Variants in PRCC observed in about 807,000 individuals in gnomAD.
PRCC encodes the protein proline rich mitotic checkpoint control factor.
In PRCC, 10 loss-of-function variants were observed where a neutral mutation model predicts 44.0. The ratio of observed to expected loss-of-function variants is 0.23; its 90% CI spans 0.14 to 0.39. The LOEUF (loss-of-function observed/expected upper bound fraction) is 0.39, where lower values mean the gene tolerates loss of function less well. PRCC is among the 10% of genes least tolerant of loss of function. The pLI is 1.00. For missense variants in PRCC, 573 were observed against 624.7 expected, an observed-to-expected ratio of 0.92 and a Z score of 0.88; for synonymous variants, 278 against 259.5, an observed-to-expected ratio of 1.07 and a Z score of -0.69.
Position 156,768,076 on chromosome 1 carries a change from C to T in PRCC, c.305C>T (p.Ala102Val). 4 of 1,590,566 alleles carry T rather than the reference C, an allele frequency of 2.5e-6. No homozygotes were observed. The highest frequency in any genetic ancestry group is 3.4e-6 in the Non-Finnish European group (4 of 1,168,162). Residue 102 changes from alanine (A) to valine (V), a missense_variant, in exon 1 of 7, where the codon GCG becomes GTG. Around this residue, in one of 4 missense-constraint regions of PRCC, gnomAD observed 245 missense variants for 188.5 expected, o/e 1.30. Coordinates refer to ENST00000271526, the MANE Select transcript of PRCC (RefSeq NM_005973.5). ...CCAGGCGTGAGCCCGGCTGAAGCGG[C>T]GGGAGTTGGGGAGGGACTGGGATTG... ...PPPGVSPAEA[A>V]GVGEGLGLGL...
At chr1:156,794,065 C>G (rs1652580400) in intron 4 of PRCC, among the ~76,000 whole-genome samples, 1 of 148,118 alleles carries the variant, frequency 6.8e-6, no homozygotes, top group Admixed American at 6.9e-5. Context: ...TCAAGCGATT[C>G]TCCTGACTCA....
chr1:156,791,045 C>T (rs1219384103), intron 3 of PRCC: 1 of 1,350,178 alleles, frequency 7.4e-7, no homozygotes, highest in Non-Finnish European at 1.0e-6. Flanking sequence ...TTGCCCTTGC[C>T]TTCACCCTCC....
In PRCC at chr1:156,786,415, C is replaced by T. The variant is rs148548079; in HGVS notation, c.517-193C>T. ...ATACCTCACCTTGGGAGAAGCAGCCCGCAGAAAGGCCTGAAGTAGCAGGAG... is the reference window on the plus strand; with the variant it reads ...ATACCTCACCTTGGGAGAAGCAGCCTGCAGAAAGGCCTGAAGTAGCAGGAG... On this transcript the variant is annotated intron_variant, in intron 2 of 6. Coordinates refer to ENST00000271526, the MANE Select transcript of PRCC (RefSeq NM_005973.5). Among the ~76,000 whole-genome samples, 552 of 152,182 alleles carry T rather than the reference C, an allele frequency of 3.6e-3. 29 individuals carry two copies. In the South Asian group the frequency reaches 0.095, roughly 26 times the overall value.
At chr1:156,800,307 G>T (rs1436579175) in intron 6 of PRCC, 67 bp from the exon 7 acceptor site, 3 of 1,453,800 alleles carry the variant, frequency 2.1e-6, no homozygotes, top group East Asian at 2.3e-5. Flanking sequence ...GAAGCTCACA[G>T]AGGCAAGAGG....
At chr1:156,775,652 C>T (rs1009702686) in intron 1 of PRCC, among the ~76,000 whole-genome samples, 47 of 151,880 alleles carry the variant, frequency 3.1e-4, no homozygotes, top group Non-Finnish European at 5.4e-4. Context: ...CTGGGACTAC[C>T]GGCACCCGCC....
chr1:156,783,794 T>TA (rs1367315860), intron 2 of PRCC, among the ~76,000 whole-genome samples: 3 of 151,568 alleles, frequency 2.0e-5, no homozygotes, highest in Admixed American at 2.0e-4. Flanking sequence ...AAATAAAAAA[T>TA]AAAAAAATAA....
At position 156,795,285 on chromosome 1, in the gene PRCC, G is replaced by GTTTTTTTTTT. The variant is rs35911411; in HGVS notation, c.1323+492_1323+501dup. Among the ~76,000 whole-genome samples, 50 of 36,066 alleles carry GTTTTTTTTTT rather than the reference G, an allele frequency of 1.4e-3. 12 individuals are homozygous for GTTTTTTTTTT. The highest frequency in any genetic ancestry group is 1.5e-3 in the Non-Finnish European group (34 of 23,074). The allele number at this position is 36,066 out of a possible 152,430, so 23.7% of individuals were successfully genotyped here. On this transcript the variant is annotated intron_variant, in intron 5 of 6. Transcript: ENST00000271526. The stretch of plus-strand genomic sequence containing the variant: ...CTTCCAATTGTTTTCATTTTCTGGT[G>GTTTTTTTTTT]TTTTTTTTTTTTTTTTTTTTTTTTC...
intron 2 of PRCC, among the ~76,000 whole-genome samples, chr1:156,785,736 C>T (rs1652218533): frequency 6.6e-6 from 1 of 151,850 alleles, no homozygotes; most frequent in Non-Finnish European, 1.5e-5. Flanking sequence ...TGCTGGGCCT[C>T]CACTCTTTCC....
At chr1:156,793,465 G>A (rs922169921) in intron 4 of PRCC, among the ~76,000 whole-genome samples, 1 of 150,806 alleles carries the variant, frequency 6.6e-6, no homozygotes, top group African/African-American at 2.4e-5. Context: ...AGAGGAAGGC[G>A]TAGCAGTGTC....
At chr1:156,799,129 A>G (rs1165131439) in intron 6 of PRCC, among the ~76,000 whole-genome samples, 3 of 152,172 alleles carry the variant, frequency 2.0e-5, no homozygotes, top group Non-Finnish European at 4.4e-5. Flanking sequence ...TACAAATGGC[A>G]CCATGTATGA....
intron 3 of PRCC, among the ~76,000 whole-genome samples, chr1:156,789,573 G>A (rs902648686): frequency 6.6e-6 from 1 of 152,042 alleles, no homozygotes; most frequent in African/African-American, 2.4e-5. Flanking sequence ...GGGCCAAGGA[G>A]GAAAGAAGGG....
intron 4 of PRCC, among the ~76,000 whole-genome samples, chr1:156,792,798 ATTAG>A (rs372285229): frequency 5.9e-5 from 9 of 152,112 alleles, no homozygotes; most frequent in African/African-American, 2.2e-4. Context: ...GTAATGTTTT[ATTAG>A]TTGTGTGGTA....
Position 156,787,006 on chromosome 1 carries a change from C to T in PRCC, c.915C>T (p.Gly305=). The change falls in exon 3 of 7, where the codon GGC becomes GGT. Residue 305 remains glycine, a synonymous_variant. Coordinates refer to ENST00000271526, the MANE Select transcript of PRCC (RefSeq NM_005973.5). ...IPTVPEELPP[G]TEPEPAFQDD... Reference sequence around the variant, plus strand: ...CTGTCCCTGAAGAGCTGCCTCCAGGCACGGAACCAGAGCCGGCTTTCCAGG... The same window carrying T: ...CTGTCCCTGAAGAGCTGCCTCCAGGTACGGAACCAGAGCCGGCTTTCCAGG... 1.2e-6 allele frequency: 2 copies of T among 1,614,242 alleles called. No individual in the cohort carries two copies. Among genetic ancestry groups the T allele is most frequent in the Middle Eastern group, 3.3e-4 (2 of 6,060 alleles).
chr1:156,787,200 C>T (rs368319215), intron 3 of PRCC, 26 bp downstream of exon 3: 81 of 1,565,402 alleles, frequency 5.2e-5, no homozygotes, highest in South Asian at 8.2e-5. Context: ...AGAGGGCAGG[C>T]GAGGGAATGT....
rs76271348 is a variant in PRCC at position 156,774,157 on chromosome 1, C to CTTTTTTTTT, written c.468+5946_468+5954dup. On this transcript the variant is annotated intron_variant, in intron 1 of 6. Coordinates refer to ENST00000271526, the MANE Select transcript of PRCC (RefSeq NM_005973.5). ...GAGTTTCTTTCTTTTTTTGAGTCAC[C>CTTTTTTTTT]TTTTTTTTTTTTTTTTTTTTTTTTT... is the stretch of plus-strand genomic sequence containing the variant. Among the ~76,000 whole-genome samples the CTTTTTTTTT allele has an allele frequency of 8.9e-4, 48 of 53,998 alleles. 16 individuals carry two copies. The highest frequency in any genetic ancestry group is 1.2e-3 in the South Asian group (2 of 1,664). 35.4% of individuals were successfully genotyped at this position (53,998 alleles called of 152,430 possible).
rs1449966096 is a variant in PRCC at position 156,786,734 on chromosome 1, A to G, written c.643A>G (p.Thr215Ala). 6.2e-7 allele frequency: 1 copy of G among 1,614,164 alleles called. No individual in the cohort carries two copies. Among genetic ancestry groups the G allele is most frequent in the Non-Finnish European group, 8.5e-7 (1 of 1,180,032 alleles). Residue 215 changes from threonine to alanine, a missense_variant, in exon 3 of 7, where the codon ACT (threonine) becomes GCT (alanine). Transcript: ENST00000271526. Reference sequence around the variant, plus strand: ...CAAACCCTCGGATGGCTCCCCTGATACTAAGCCCTCCAGACTGGCTTCTAA... The same window carrying G: ...CAAACCCTCGGATGGCTCCCCTGATGCTAAGCCCTCCAGACTGGCTTCTAA... ...SRKPSDGSPDTKPSRLASKTK... is the reference protein window; with the variant it reads ...SRKPSDGSPDAKPSRLASKTK...
intron 1 of PRCC, among the ~76,000 whole-genome samples, chr1:156,775,377 G>T (rs573768170): frequency 1.8e-4 from 28 of 151,654 alleles, no homozygotes; most frequent in African/African-American, 6.3e-4. Flanking sequence ...TGGAGACAGG[G>T]TCCTGCTCTG....
At chr1:156,786,461 C>T in intron 2 of PRCC, 147 bp from the exon 3 acceptor site, 1 of 808,918 alleles carries the variant, frequency 1.2e-6, no homozygotes, top group Non-Finnish European at 1.9e-6. Context: ...ATTAGGTGGT[C>T]TGAGTGGACG....
At chr1:156,768,740 C>T (rs945422767) in intron 1 of PRCC, among the ~76,000 whole-genome samples, 1 of 152,108 alleles carries the variant, frequency 6.6e-6, no homozygotes, top group South Asian at 2.1e-4. Context: ...GAGGAGAAAT[C>T]GAATATTTGT....
Sources: gnomAD v4.1 joint callset for allele counts (sites outside exome capture counted in the v4.1 genomes callset) on GRCh38, gnomAD v4.1.1 for gene constraint, gnomAD v4.1.1 regional missense constraint, MANE v1.5 for transcripts, NCBI Gene and HGNC (gene_info 2026-07-23, HGNC 2026-07-21) for gene names.